Variants in SLC25A24 observed in about 807,000 individuals in gnomAD.
SLC25A24 encodes solute carrier family 25 member 24, also known as mitochondrial adenyl nucleotide antiporter SLC25A24.
Under a neutral mutation model 60.7 loss-of-function variants are expected in SLC25A24, and 49 were observed. That is an observed-to-expected ratio of 0.81 (90% CI 0.64 to 1.02). SLC25A24 has a LOEUF of 1.02. Among genes scored for constraint, SLC25A24 ranks in the 50% least tolerant of loss-of-function variants. SLC25A24 has a pLI of 0.00. For synonymous variants in SLC25A24, 202 were observed against 200.6 expected (o/e 1.01, Z -0.06); for missense variants, 564 against 586.3 (o/e 0.96, Z 0.39).
chr1:108,196,406 G>T (rs2101650010), intron 1 of SLC25A24, among the ~76,000 whole-genome samples: 1 of 152,310 alleles, frequency 6.6e-6, no homozygotes, highest in South Asian at 2.1e-4. Flanking sequence ...TAAAAGCTCT[G>T]TCCAGGATGC....
intron 5 of SLC25A24, among the ~76,000 whole-genome samples, chr1:108,156,050 A>C (rs1679889360): frequency 6.6e-6 from 1 of 151,944 alleles, no homozygotes; most frequent in Non-Finnish European, 1.5e-5. Flanking sequence ...CCCAATAAGA[A>C]CTCTGCACAC....
At chr1:108,154,174 A>G (rs898551314) in intron 6 of SLC25A24, among the ~76,000 whole-genome samples, 7 of 150,662 alleles carry the variant, frequency 4.6e-5, no homozygotes, top group African/African-American at 1.5e-4. Flanking sequence ...AGAACAAAAC[A>G]CTCTCCAGAA....
chr1:108,177,122 TAAGTAA>T (rs1288670805), intron 3 of SLC25A24, among the ~76,000 whole-genome samples: 1 of 152,114 alleles, frequency 6.6e-6, no homozygotes, highest in Non-Finnish European at 1.5e-5. Context: ...TTCAGGGGAT[TAAGTAA>T]AAGTGTAGAT....
chr1:108,181,096 CA>C (rs535594169), intron 3 of SLC25A24, among the ~76,000 whole-genome samples: 178 of 152,288 alleles, frequency 1.2e-3, no homozygotes, highest in African/African-American at 3.9e-3. Context: ...TAACAAAAGT[CA>C]TTACGTGCTC....
At position 108,143,699 on chromosome 1, in the gene SLC25A24, G is replaced by T; in HGVS notation, c.942C>A (p.Thr314=). ...GCCCAGTTTTGCCTACAGCCAGCCT[G>T]GTTTTCATAACCTGGATATAAAAAA... ...TFIYPMEVMK[T]RLAVGKTGQY... The change falls in exon 8 of 10, where the codon ACC becomes ACA. Residue 314 remains threonine (T), a synonymous_variant. Transcript: ENST00000565488. 6.2e-7 allele frequency: 1 copy of T among 1,607,682 alleles called. No homozygotes were observed. Among genetic ancestry groups the T allele is most frequent in the Admixed American group, 1.7e-5 (1 of 58,728 alleles).
At chr1:108,173,425 G>C (rs1365689604) in intron 3 of SLC25A24, among the ~76,000 whole-genome samples, 1 of 152,082 alleles carries the variant, frequency 6.6e-6, no homozygotes, top group Non-Finnish European at 1.5e-5. Flanking sequence ...TTCCCTTTCT[G>C]CTATGGCTGT....
chr1:108,143,719 A>T lies in SLC25A24; in HGVS notation c.931-9T>A, dbSNP rs1372180857. ...AGCCTGGTTTTCATAACCTGGATAT[A>T]AAAAAAAACAAAATATGATTGTTCA... is the stretch of plus-strand genomic sequence containing the variant. On this transcript the variant is annotated splice_polypyrimidine_tract_variant and intron_variant, in intron 7 of 9. Transcript: ENST00000565488. 8.3e-6 allele frequency: 13 copies of T among 1,561,660 alleles called. No homozygotes were observed. The highest frequency in any genetic ancestry group is 1.4e-5 in the African/African-American group (1 of 72,260).
chr1:108,162,084 A>G (rs1475300302), intron 3 of SLC25A24, among the ~76,000 whole-genome samples: 1 of 152,018 alleles, frequency 6.6e-6, no homozygotes, highest in Non-Finnish European at 1.5e-5. Context: ...ACTGAGAATG[A>G]TGATTTCCAA....
At chr1:108,177,758 A>C (rs1329532176) in intron 3 of SLC25A24, among the ~76,000 whole-genome samples, 1 of 152,230 alleles carries the variant, frequency 6.6e-6, no homozygotes, top group Admixed American at 6.5e-5. Context: ...CTCCCATTTT[A>C]AATTTTCAGT....
chr1:108,185,527 G>T (rs562941431), intron 2 of SLC25A24, among the ~76,000 whole-genome samples: 1 of 152,116 alleles, frequency 6.6e-6, no homozygotes, highest in African/African-American at 2.4e-5. Flanking sequence ...TAACCTACAG[G>T]TTTAACTCAA....
intron 2 of SLC25A24, among the ~76,000 whole-genome samples, chr1:108,183,687 C>T (rs1318857388): frequency 6.6e-6 from 1 of 152,174 alleles, no homozygotes; most frequent in Non-Finnish European, 1.5e-5. Context: ...CACTAGACAG[C>T]ACTTCAGCAC....
chr1:108,183,683 A>G (rs184770446), intron 2 of SLC25A24, among the ~76,000 whole-genome samples: 12 of 152,332 alleles, frequency 7.9e-5, no homozygotes, highest in Admixed American at 7.8e-4. Context: ...GGAACACTAG[A>G]CAGCACTTCA....
chr1:108,143,392 A>G (rs1157188921), intron 8 of SLC25A24, 151 bp downstream of exon 8: 17 of 623,130 alleles, frequency 2.7e-5, no homozygotes, highest in Non-Finnish European at 5.3e-6. Flanking sequence ...GCATATTCAC[A>G]CTCAAGTTAC....
chr1:108,138,239 C>T (rs1470223155), intron 9 of SLC25A24, among the ~76,000 whole-genome samples: 1 of 152,200 alleles, frequency 6.6e-6, no homozygotes. Flanking sequence ...TAGCATCTGG[C>T]AGTGTCTAGA....
chr1:108,166,851 G>C (rs1372184839), intron 3 of SLC25A24, among the ~76,000 whole-genome samples: 5 of 152,176 alleles, frequency 3.3e-5, no homozygotes, highest in Non-Finnish European at 5.9e-5. Flanking sequence ...CGTTCCTTTG[G>C]AGGAGGAGAG....
chr1:108,175,783 G>A (rs1480211749), intron 3 of SLC25A24, among the ~76,000 whole-genome samples: 1 of 151,992 alleles, frequency 6.6e-6, no homozygotes, highest in Non-Finnish European at 1.5e-5. Flanking sequence ...ATTGCTGCTG[G>A]GATTATAAAA....
intron 1 of SLC25A24, among the ~76,000 whole-genome samples, chr1:108,188,105 C>A (rs901286715): frequency 4.6e-5 from 7 of 151,712 alleles, no homozygotes; most frequent in Non-Finnish European, 8.8e-5. Flanking sequence ...AGGCCATTAT[C>A]CTAAGCGAAT....
At chr1:108,174,560 G>C (rs1647602253) in intron 3 of SLC25A24, among the ~76,000 whole-genome samples, 1 of 152,148 alleles carries the variant, frequency 6.6e-6, no homozygotes, top group Non-Finnish European at 1.5e-5. Flanking sequence ...GTCCCCACTG[G>C]AGCACTGCCT....
At chr1:108,138,881 G>A (rs935703623) in intron 9 of SLC25A24, among the ~76,000 whole-genome samples, 177 bp downstream of exon 9, 7 of 152,146 alleles carry the variant, frequency 4.6e-5, no homozygotes, top group African/African-American at 1.4e-4. Context: ...ATTTCATGAC[G>A]AGGGAGCATT....
Sources: gnomAD v4.1 joint callset for allele counts (sites outside exome capture counted in the v4.1 genomes callset) on GRCh38, gnomAD v4.1.1 for gene constraint, MANE v1.5 for transcripts, NCBI Gene and HGNC (gene_info 2026-07-23, HGNC 2026-07-21) for gene names.